SESN2: variants seen among roughly 807,000 people sequenced by gnomAD.
SESN2 encodes the protein sestrin-2.
In SESN2, 42 loss-of-function variants were observed where a neutral mutation model predicts 56.0. The ratio of observed to expected loss-of-function variants is 0.75; its 90% CI spans 0.59 to 0.97. The LOEUF is 0.97. Among genes scored for constraint, SESN2 ranks in the 50% least tolerant of loss-of-function variants. The pLI, the probability that SESN2 is intolerant of heterozygous loss-of-function variation, is 0.00. For synonymous variants in SESN2, 264 were observed against 267.1 expected, an observed-to-expected ratio of 0.99 and a Z score of 0.11; for missense variants, 507 against 649.4, an observed-to-expected ratio of 0.78 and a Z score of 2.38.
At chr1:28,273,184 A>G (rs1367678284) in intron 5 of SESN2, among the ~76,000 whole-genome samples, 174 bp from the exon 6 acceptor site, 1 of 152,174 alleles carries the variant, frequency 6.6e-6, no homozygotes, top group African/African-American at 2.4e-5. Flanking sequence ...TAGCTTTGTA[A>G]ACGTCACTTT....
At chr1:28,263,841 C>T (rs1424975481) in intron 1 of SESN2, among the ~76,000 whole-genome samples, 1 of 152,078 alleles carries the variant, frequency 6.6e-6, no homozygotes, top group African/African-American at 2.4e-5. Flanking sequence ...AATAGAGACT[C>T]TGCCGCCGCC....
intron 8 of SESN2, among the ~76,000 whole-genome samples, chr1:28,277,591 CCTAT>C (rs1648096499): frequency 6.6e-6 from 1 of 152,162 alleles, no homozygotes; most frequent in South Asian, 2.1e-4. Flanking sequence ...CATTTCCTTA[CCTAT>C]TCATTTCAGT....
chr1:28,280,760 TCTGCTGTACGCC>T lies in SESN2; in HGVS notation c.1404_1415del (p.Leu469_Leu472del). On this transcript the variant is annotated inframe_deletion, in exon 10 of 10. Transcript: ENST00000253063. ...TCCTGGAGGCGCGCATGCAAGCCGCTCTGCTGTACGCCCTCCGTGCCATCACCCGCTACATGA... is the reference window on the plus strand; with the variant it reads ...TCCTGGAGGCGCGCATGCAAGCCGCTCTCCGTGCCATCACCCGCTACATGA... The T allele has an allele frequency of 6.2e-7, 1 of 1,613,756 alleles. No homozygotes were observed. The highest frequency in any genetic ancestry group is 8.5e-7 in the Non-Finnish European group (1 of 1,180,010).
At chr1:28,260,309 C>T (rs1557728348) in intron 1 of SESN2, among the ~76,000 whole-genome samples, 2 of 152,120 alleles carry the variant, frequency 1.3e-5, no homozygotes, top group Admixed American at 6.5e-5. Flanking sequence ...CAAATCCCGG[C>T]CGGAGCGGCC....
rs1489950726 is a variant in SESN2 at position 28,272,569 on chromosome 1, T to C, written c.538-12T>C. The C allele has an allele frequency of 8.7e-6, 14 of 1,613,608 alleles. No individual in the cohort carries two copies. In the East Asian group the frequency reaches 2.9e-4, roughly 33 times the overall value. ...ACTGAGCAGCTCTGACCTCCCCCCT[T>C]GTCCCTTCCAGGCCTTGCTGAAGAC... On this transcript the variant is annotated splice_polypyrimidine_tract_variant and intron_variant, in intron 4 of 9. Transcript: ENST00000253063.
chr1:28,271,600 TG>T, intron 2 of SESN2, 73 bp from the exon 3 acceptor site: 1 of 1,212,098 alleles, frequency 8.3e-7, no homozygotes, highest in Non-Finnish European at 1.2e-6. Flanking sequence ...AAAAACCCAC[TG>T]GAAGAATACA....
intron 8 of SESN2, among the ~76,000 whole-genome samples, chr1:28,276,840 A>G (rs1648064008): frequency 6.7e-6 from 1 of 149,172 alleles, no homozygotes; most frequent in Admixed American, 6.7e-5. Context: ...CAGCCTCCCA[A>G]AGTGCTGGGG....
Position 28,261,499 on chromosome 1 carries a change from C to G in SESN2, c.90+1562C>G, listed in dbSNP as rs147215611. Among the ~76,000 whole-genome samples the G allele has an allele frequency of 6.6e-5, 10 of 152,270 alleles. No homozygotes were observed. The East Asian group carries it at 1.5e-3, about 24-fold the overall frequency. Reference sequence around the variant, plus strand: ...TCTAAGGGATTGTTGGGAGAATTAACTCAGAATACAAGCAAAAGCTGAAGC... The same window carrying G: ...TCTAAGGGATTGTTGGGAGAATTAAGTCAGAATACAAGCAAAAGCTGAAGC... On this transcript the variant is annotated intron_variant, in intron 1 of 9. Transcript: ENST00000253063.
In SESN2 at chr1:28,282,416, C is replaced by T. The variant is rs566956642; in HGVS notation, c.*1614C>T. On this transcript the variant is annotated 3_prime_UTR_variant, in exon 10 of 10. Transcript: ENST00000253063. Reference sequence around the variant, plus strand: ...TGGGTAGGGAGTGGTATCCAGTGTTCAAGTGCAGAAATCTTTGGCTTTGCT... The same window carrying T: ...TGGGTAGGGAGTGGTATCCAGTGTTTAAGTGCAGAAATCTTTGGCTTTGCT... 1 of 152,112 alleles carries T rather than the reference C, an allele frequency of 6.6e-6. No individual in the cohort carries two copies. Among genetic ancestry groups the T allele is most frequent in the Admixed American group, 6.6e-5 (1 of 15,260 alleles). 9.4% of individuals were successfully genotyped at this position (152,112 alleles called of 1,614,324 possible). A position where few individuals can be genotyped will look rare whatever the true frequency, so the allele number is the denominator to read the frequency against.
Position 28,259,881 on chromosome 1 carries a change from C to T in SESN2, c.34C>T (p.Leu12Phe). ...IVADSECRAE[L>F]KDYLRFAPGG... ...GGCGGACTCCGAGTGCCGCGCAGAGCTCAAGGACTACCTGCGGTTCGCCCC... is the reference window on the plus strand; with the variant it reads ...GGCGGACTCCGAGTGCCGCGCAGAGTTCAAGGACTACCTGCGGTTCGCCCC... The change falls in exon 1 of 10, where the codon CTC becomes TTC. Residue 12 changes from leucine (L) to phenylalanine (F), a missense_variant. Coordinates refer to ENST00000253063, the MANE Select transcript of SESN2 (RefSeq NM_031459.5). The T allele has an allele frequency of 1.4e-6, 2 of 1,444,354 alleles. No individual in the cohort carries two copies. Among genetic ancestry groups the T allele is most frequent in the Non-Finnish European group, 9.1e-7 (1 of 1,102,116 alleles). The allele number at this position is 1,444,354 out of a possible 1,614,324, so 89.5% of individuals were successfully genotyped here.
chr1:28,260,238 G>A (rs1262403685), intron 1 of SESN2, among the ~76,000 whole-genome samples: 1 of 151,548 alleles, frequency 6.6e-6, no homozygotes, highest in African/African-American at 2.4e-5. Context: ...CCTGGCCAAT[G>A]AGGGAGAAGC....
At chr1:28,273,146 C>A (rs1647850584) in intron 5 of SESN2, among the ~76,000 whole-genome samples, 1 of 152,186 alleles carries the variant, frequency 6.6e-6, no homozygotes, top group African/African-American at 2.4e-5. Flanking sequence ...TTTAAAAATT[C>A]CTGCTCAGGG....
chr1:28,270,576 CTT>C (rs1050379080), intron 2 of SESN2, among the ~76,000 whole-genome samples: 2 of 145,484 alleles, frequency 1.4e-5, no homozygotes, highest in African/African-American at 2.5e-5. Flanking sequence ...AAGTGACCAC[CTT>C]TTTTTTTTTT....
In SESN2 at chr1:28,281,747, G is replaced by C. The variant is rs1648250536; in HGVS notation, c.*945G>C. On this transcript the variant is annotated 3_prime_UTR_variant, in exon 10 of 10. Coordinates refer to ENST00000253063, the MANE Select transcript of SESN2 (RefSeq NM_031459.5). ...ATGGCTTAGGTGGCACCATGGCTCA[G>C]CAGGAGGGGCGGGAGGCACCAGGGT... The C allele has an allele frequency of 6.6e-6, 1 of 152,320 alleles. No homozygotes were observed. The highest frequency in any genetic ancestry group is 1.5e-5 in the Non-Finnish European group (1 of 68,134). The allele number at this position is 152,320 out of a possible 1,614,324, so 9.4% of individuals were successfully genotyped here.
intron 2 of SESN2, among the ~76,000 whole-genome samples, chr1:28,270,156 C>A (rs916801109): frequency 6.6e-6 from 1 of 152,134 alleles, no homozygotes; most frequent in African/African-American, 2.4e-5. Flanking sequence ...TCGAGACCAT[C>A]CTGGCTAACA....
chr1:28,274,239 G>GT (rs1647940100), intron 7 of SESN2, 81 bp downstream of exon 7: 1 of 937,884 alleles, frequency 1.1e-6, no homozygotes, highest in African/African-American at 1.6e-5. Context: ...TAGTTACAGA[G>GT]TTAGGTACCC....
intron 4 of SESN2, 35 bp downstream of exon 4, chr1:28,272,501 C>G (rs1572095811): frequency 6.2e-7 from 1 of 1,609,356 alleles, no homozygotes; most frequent in Non-Finnish European, 8.5e-7. Flanking sequence ...TCTGAGGGAG[C>G]ACAGAGGCCT....
At chr1:28,276,825 C>T (rs1229226786) in intron 8 of SESN2, among the ~76,000 whole-genome samples, 3 of 150,996 alleles carry the variant, frequency 2.0e-5, no homozygotes, top group African/African-American at 4.8e-5. Context: ...GTGATCTGCC[C>T]GCCTCAGCCT....
intron 1 of SESN2, among the ~76,000 whole-genome samples, chr1:28,262,967 T>A (rs1279482015): frequency 6.6e-6 from 1 of 152,084 alleles, no homozygotes; most frequent in Non-Finnish European, 1.5e-5. Flanking sequence ...AGACATCATT[T>A]CTTCTTCAGG....
Sources: gnomAD v4.1 joint callset for allele counts (sites outside exome capture counted in the v4.1 genomes callset) on GRCh38, gnomAD v4.1.1 for gene constraint, MANE v1.5 for transcripts, NCBI Gene and HGNC (gene_info 2026-07-23, HGNC 2026-07-21) for gene names.